MECOM: variants seen among roughly 807,000 people sequenced by gnomAD.
The protein encoded by MECOM is MDS1 and EVI1 complex locus.
Under a neutral mutation model 116.3 loss-of-function variants are expected in MECOM, and 13 were observed. That is an observed-to-expected ratio of 0.11 (90% CI 0.07 to 0.18). MECOM has a LOEUF of 0.18. MECOM is among the 10% of genes least tolerant of loss of function. The pLI, the probability that MECOM is intolerant of heterozygous loss-of-function variation, is 1.00. For missense variants in MECOM, 1,299 were observed against 1,509.0 expected, an observed-to-expected ratio of 0.86 and a Z score of 2.31; for synonymous variants, 528 against 535.2, an observed-to-expected ratio of 0.99 and a Z score of 0.19.
intron 2 of MECOM, among the ~76,000 whole-genome samples, chr3:169,219,676 A>G (rs1354618598): frequency 1.2e-4 from 18 of 151,962 alleles, no homozygotes; most frequent in Admixed American, 1.1e-3. Flanking sequence ...GTGGTGTAGA[A>G]GGAGTGAGAG....
chr3:169,255,806 C>CA (rs1756795489), intron 2 of MECOM, among the ~76,000 whole-genome samples: 1 of 152,160 alleles, frequency 6.6e-6, no homozygotes, highest in African/African-American at 2.4e-5. Context: ...CGATGTTCCA[C>CA]AATTTCCACA....
At chr3:169,244,322 C>A (rs1755283777) in intron 2 of MECOM, among the ~76,000 whole-genome samples, 1 of 152,162 alleles carries the variant, frequency 6.6e-6, no homozygotes, top group Admixed American at 6.5e-5. Context: ...CTGGTGTAGA[C>A]ATAGCCCCGA....
intron 2 of MECOM, among the ~76,000 whole-genome samples, chr3:169,192,922 T>A (rs12636475): frequency 0.075 from 11,462 of 152,006 alleles, 644 homozygotes; most frequent in East Asian, 0.31. Context: ...GGCTCAAGAA[T>A]ATGCAAACAG....
intron 1 of MECOM, among the ~76,000 whole-genome samples, chr3:169,429,567 T>C (rs773212007): frequency 3.5e-4 from 53 of 152,178 alleles, no homozygotes; most frequent in Non-Finnish European, 4.6e-4. Flanking sequence ...TTCTACCAGA[T>C]GAGATGTAAA....
chr3:169,093,982 T>C (rs570344704), intron 13 of MECOM, among the ~76,000 whole-genome samples: 2 of 152,334 alleles, frequency 1.3e-5, no homozygotes, highest in Admixed American at 6.5e-5. Context: ...CCTTTTTTCT[T>C]AAAATAACTT....
intron 2 of MECOM, among the ~76,000 whole-genome samples, chr3:169,159,879 G>C (rs1236662750): frequency 6.6e-6 from 1 of 152,106 alleles, no homozygotes; most frequent in South Asian, 2.1e-4. Flanking sequence ...ATGATAAAAA[G>C]TATCTCATAG....
At chr3:169,651,272 A>G (rs1260431621) in intron 1 of MECOM, among the ~76,000 whole-genome samples, 1 of 152,184 alleles carries the variant, frequency 6.6e-6, no homozygotes, top group Non-Finnish European at 1.5e-5. Context: ...TGAGATGATC[A>G]TGTGATTTTT....
chr3:169,463,193 C>T (rs931264730), intron 1 of MECOM, among the ~76,000 whole-genome samples: 5 of 152,100 alleles, frequency 3.3e-5, no homozygotes, highest in East Asian at 1.9e-4. Context: ...TCCCAGGCAC[C>T]GGGCATTAAA....
intron 2 of MECOM, among the ~76,000 whole-genome samples, chr3:169,258,147 G>A (rs895153842): frequency 3.3e-5 from 5 of 152,154 alleles, no homozygotes; most frequent in Non-Finnish European, 5.9e-5. Context: ...TTGAACCCGG[G>A]AGACAGAGGT....
chr3:169,460,879 A>G (rs940700589), intron 1 of MECOM, among the ~76,000 whole-genome samples: 1 of 152,166 alleles, frequency 6.6e-6, no homozygotes, highest in Admixed American at 6.5e-5. Context: ...AGGGGAACCA[A>G]TTAATTTACG....
At position 169,612,207 on chromosome 3, in the gene MECOM, A is replaced by G. The variant is rs16854188; in HGVS notation, c.37+51129T>C. Among the ~76,000 whole-genome samples the G allele has an allele frequency of 0.016, 2,393 of 152,318 alleles. 219 individuals carry two copies. The East Asian group carries it at 0.28, about 18-fold the overall frequency. On this transcript the variant is annotated intron_variant, in intron 1 of 16. Coordinates refer to ENST00000651503, the MANE Select transcript of MECOM (RefSeq NM_004991.4). The stretch of plus-strand genomic sequence containing the variant: ...CGATATTTGGTATTTATGTTAAAGG[A>G]TATATTAATCAAAGTTGCTTGAACA...
chr3:169,095,087 C>G lies in MECOM; in HGVS notation c.3008G>C (p.Gly1003Ala). Residue 1003 changes from glycine to alanine, a missense_variant, in exon 13 of 17, where the codon GGG (glycine) becomes GCG (alanine). Physicochemically the swap from Gly to Ala is moderately conservative, Grantham distance 60. Around this residue, in one of 6 missense-constraint regions of MECOM, gnomAD observed 273 missense variants for 289.3 expected, o/e 0.94. Coordinates refer to ENST00000651503, the MANE Select transcript of MECOM (RefSeq NM_004991.4). ...LDRHLKKHEN[G>A]NMSGTATSSP... ...AATTTATTACGTACCGGACATGTTC[C>G]CATTCTCATGTTTCTTTAGGTGTCT... The G allele has an allele frequency of 6.2e-7, 1 of 1,604,366 alleles. No homozygotes were observed. The highest frequency in any genetic ancestry group is 8.5e-7 in the Non-Finnish European group (1 of 1,175,966).
intron 2 of MECOM, among the ~76,000 whole-genome samples, chr3:169,148,370 A>G (rs909888798): frequency 6.6e-6 from 1 of 152,156 alleles, no homozygotes; most frequent in Non-Finnish European, 1.5e-5. Context: ...TTTCTAATAT[A>G]CCTTGGGTAC....
intron 2 of MECOM, among the ~76,000 whole-genome samples, chr3:169,219,433 G>A (rs935594023): frequency 6.6e-6 from 1 of 152,162 alleles, no homozygotes; most frequent in Non-Finnish European, 1.5e-5. Context: ...CCTGAACCTG[G>A]GAGGCGGAGC....
At chr3:169,656,356 A>G (rs775028968) in intron 1 of MECOM, among the ~76,000 whole-genome samples, 6 of 152,228 alleles carry the variant, frequency 3.9e-5, no homozygotes, top group Non-Finnish European at 8.8e-5. Flanking sequence ...TATAAAAGTC[A>G]GTAGTCAAGA....
chr3:169,383,704 C>T (rs1310386842), intron 1 of MECOM, among the ~76,000 whole-genome samples: 3 of 152,272 alleles, frequency 2.0e-5, no homozygotes, highest in Non-Finnish European at 4.4e-5. Flanking sequence ...GTTTGACAGC[C>T]TTCAATAATC....
At chr3:169,334,132 GAGTT>G (rs1470752104) in intron 2 of MECOM, among the ~76,000 whole-genome samples, 2 of 152,024 alleles carry the variant, frequency 1.3e-5, no homozygotes, top group African/African-American at 4.8e-5. Context: ...AATCTGTAAA[GAGTT>G]AGTTATTGGT....
intron 1 of MECOM, among the ~76,000 whole-genome samples, chr3:169,421,996 C>T (rs893828666): frequency 7.2e-5 from 11 of 152,032 alleles, no homozygotes; most frequent in Non-Finnish European, 1.5e-4. Flanking sequence ...AAGAGAAACA[C>T]GATTTATGCT....
At chr3:169,652,671 G>A (rs181554775) in intron 1 of MECOM, among the ~76,000 whole-genome samples, 3 of 152,144 alleles carry the variant, frequency 2.0e-5, no homozygotes, top group Admixed American at 2.0e-4. Flanking sequence ...ACAGAGTTGA[G>A]TGAGTTGGGT....
Sources: allele counts gnomAD v4.1 joint callset (sites outside exome capture counted in the v4.1 genomes callset), GRCh38; gene constraint gnomAD v4.1.1; regional missense constraint gnomAD v4.1.1; transcripts MANE v1.5; gene names NCBI Gene and HGNC (gene_info 2026-07-23, HGNC 2026-07-21).